The following PCDHA10 variants were observed in gnomAD, a reference collection of about 807,000 sequenced individuals.
PCDHA10 encodes protocadherin alpha 10, also known as protocadherin alpha-10.
PCDHA10 carries 45 observed loss-of-function variants against 61.2 expected under a neutral mutation model. The ratio of observed to expected loss-of-function variants is 0.74; its 90% CI spans 0.58 to 0.94. The LOEUF is 0.94. PCDHA10 is among the 40% of genes least tolerant of loss of function. The pLI, the probability that PCDHA10 is intolerant of heterozygous loss-of-function variation, is 0.00. For missense variants in PCDHA10, 1,278 were observed against 1,236.2 expected, an observed-to-expected ratio of 1.03 and a Z score of -0.51; for synonymous variants, 602 against 548.8, an observed-to-expected ratio of 1.10 and a Z score of -1.35.
intron 3 of PCDHA10, among the ~76,000 whole-genome samples, chr5:140,997,598 TG>T (rs1182118908): frequency 6.6e-5 from 10 of 152,124 alleles, no homozygotes; most frequent in Admixed American, 2.0e-4. Context: ...AACATGATTA[TG>T]GGGCGCATGA....
rs1285443769 is a variant in PCDHA10, at chr5:141,010,273, G to A, written c.*336G>A. 3.9e-6 allele frequency: 6 copies of A among 1,551,420 alleles called. No individual in the cohort carries two copies. The African/African-American group carries it at 8.2e-5, about 21-fold the overall frequency. Reference sequence around the variant, plus strand: ...CTCTGCCCTGTGCTCCGGGGATCCTGTCTTGATGACACTTGCAGGGCAGGC... The same window carrying A: ...CTCTGCCCTGTGCTCCGGGGATCCTATCTTGATGACACTTGCAGGGCAGGC... On this transcript the variant is annotated 3_prime_UTR_variant, in exon 4 of 4. Coordinates refer to ENST00000307360, the MANE Select transcript of PCDHA10 (RefSeq NM_018901.4).
intron 1 of PCDHA10, chr5:140,927,052 A>G: frequency 6.2e-7 from 1 of 1,611,924 alleles, no homozygotes; most frequent in Middle Eastern, 1.7e-4. Flanking sequence ...GTCCTCGCGG[A>G]ACTTTCGCTT....
chr5:140,972,661 T>C, intron 1 of PCDHA10, among the ~76,000 whole-genome samples: 1 of 48,668 alleles, frequency 2.1e-5, no homozygotes, highest in South Asian at 6.9e-4. Flanking sequence ...AGAAACCAAA[T>C]TTTTTTTTTT....
rs542875982 is a variant in PCDHA10 at position 140,939,696 on chromosome 5, T to C, written c.2389-39253T>C. On this transcript the variant is annotated intron_variant, in intron 1 of 3. Coordinates refer to ENST00000307360, the MANE Select transcript of PCDHA10 (RefSeq NM_018901.4). Reference sequence around the variant, plus strand: ...TATGTATGTGTGTGTTGCTGGACATTATCATTTGTGAGATACATTTATATT... The same window carrying C: ...TATGTATGTGTGTGTTGCTGGACATCATCATTTGTGAGATACATTTATATT... Among the ~76,000 whole-genome samples the C allele has an allele frequency of 1.6e-4, 24 of 152,340 alleles. No homozygotes were observed. The East Asian group carries it at 2.7e-3, about 17-fold the overall frequency.
At chr5:140,974,264 C>A (rs2096620873) in intron 1 of PCDHA10, among the ~76,000 whole-genome samples, 1 of 152,168 alleles carries the variant, frequency 6.6e-6, no homozygotes, top group African/African-American at 2.4e-5. Flanking sequence ...CCTTTCTGGC[C>A]TTCCAGGGTC....
At chr5:140,895,235 C>T (rs1554186440) in intron 1 of PCDHA10, among the ~76,000 whole-genome samples, 2 of 152,236 alleles carry the variant, frequency 1.3e-5, no homozygotes, top group East Asian at 1.9e-4. Context: ...GTTTTCTCAT[C>T]TCTCTTTTCA....
chr5:140,876,922 G>C (rs1554169106), intron 1 of PCDHA10: 6 of 1,613,906 alleles, frequency 3.7e-6, no homozygotes, highest in African/African-American at 2.7e-5. Context: ...GGACGCGGAC[G>C]CGCAGAAGAA....
intron 1 of PCDHA10, among the ~76,000 whole-genome samples, chr5:140,974,549 T>C (rs373257165): frequency 6.6e-6 from 1 of 152,216 alleles, no homozygotes; most frequent in African/African-American, 2.4e-5. Context: ...TTTGCTCTTG[T>C]TGCCCAGGCT....
chr5:140,876,481 C>T (rs1442284424), intron 1 of PCDHA10: 9 of 1,613,878 alleles, frequency 5.6e-6, no homozygotes, highest in Admixed American at 1.7e-5. Flanking sequence ...CAGCATGGTC[C>T]TGGTGGAAGT....
chr5:140,971,414 AT>A (rs2096477673), intron 1 of PCDHA10, among the ~76,000 whole-genome samples: 1 of 152,166 alleles, frequency 6.6e-6, no homozygotes, highest in African/African-American at 2.4e-5. Flanking sequence ...ACTTTTGGAA[AT>A]CCAGTGAAGA....
At chr5:140,922,316 A>G (rs983729529) in intron 1 of PCDHA10, among the ~76,000 whole-genome samples, 5 of 152,248 alleles carry the variant, frequency 3.3e-5, no homozygotes, top group Middle Eastern at 3.2e-3. Context: ...TTCACTGAAG[A>G]TCTTGGAAAG....
intron 1 of PCDHA10, among the ~76,000 whole-genome samples, chr5:140,960,552 A>T (rs1269039449): frequency 6.6e-6 from 1 of 152,162 alleles, no homozygotes; most frequent in Non-Finnish European, 1.5e-5. Flanking sequence ...CTTCATATAG[A>T]CTGAGCTTAG....
chr5:140,932,474 A>G (rs1444534569), intron 1 of PCDHA10, among the ~76,000 whole-genome samples: 1 of 151,904 alleles, frequency 6.6e-6, no homozygotes, highest in African/African-American at 2.4e-5. Context: ...AGGAAATAGG[A>G]TATCTCCTCT....
chr5:140,870,124 G>A, intron 1 of PCDHA10: 1 of 1,613,940 alleles, frequency 6.2e-7, no homozygotes, highest in Non-Finnish European at 8.5e-7. Context: ...GGAAATCTTG[G>A]ACACCAACGA....
intron 1 of PCDHA10, among the ~76,000 whole-genome samples, chr5:140,926,081 T>C (rs2153580512): frequency 6.6e-6 from 1 of 152,334 alleles, no homozygotes; most frequent in Admixed American, 6.5e-5. Flanking sequence ...TCTATTGCCC[T>C]CTTGGCAGCT....
At chr5:140,967,579 C>G in intron 1 of PCDHA10, 7 of 1,614,154 alleles carry the variant, frequency 4.3e-6, no homozygotes, top group South Asian at 1.1e-5. Context: ...AGGACTCACC[C>G]CCAGGCACAT....
chr5:140,919,136 G>T (rs1340753916), intron 1 of PCDHA10, among the ~76,000 whole-genome samples: 5 of 152,064 alleles, frequency 3.3e-5, no homozygotes, highest in African/African-American at 1.2e-4. Context: ...GTGTTTTGGG[G>T]CTCTATTATT....
chr5:140,982,413 G>A, intron 2 of PCDHA10, 62 bp from the exon 3 acceptor site: 2 of 1,609,608 alleles, frequency 1.2e-6, no homozygotes, highest in Non-Finnish European at 1.7e-6. Flanking sequence ...TTCTGAGGGT[G>A]GAAGAAGAGA....
intron 1 of PCDHA10, chr5:140,884,552 G>A (rs1554181720): frequency 6.2e-7 from 1 of 1,614,142 alleles, no homozygotes; most frequent in East Asian, 2.2e-5. Context: ...GTGCTCTGGG[G>A]AGGGCCCGCA....
Sources: allele counts gnomAD v4.1 joint callset (sites outside exome capture counted in the v4.1 genomes callset), GRCh38; gene constraint gnomAD v4.1.1; transcripts MANE v1.5; gene names NCBI Gene and HGNC (gene_info 2026-07-23, HGNC 2026-07-21).